Variants in ADGRV1 observed in about 807,000 individuals in gnomAD.
The protein encoded by ADGRV1 is adhesion G protein-coupled receptor V1, also known as G-protein coupled receptor 98.
In ADGRV1, 359 loss-of-function variants were observed where a neutral mutation model predicts 596.2. The observed-to-expected ratio is 0.60, with a 90% CI of 0.55 to 0.66. The LOEUF is 0.66. Among genes scored for constraint, ADGRV1 ranks in the 30% least tolerant of loss-of-function variants. The pLI, the probability that ADGRV1 is intolerant of heterozygous loss-of-function variation, is 0.00. For synonymous variants in ADGRV1, 2,681 were observed against 2,679.2 expected, an observed-to-expected ratio of 1.00 and a Z score of -0.02; for missense variants, 7,274 against 7,575.6, an observed-to-expected ratio of 0.96 and a Z score of 1.48.
chr5:90,642,007 C>A (rs993340404), intron 11 of ADGRV1, among the ~76,000 whole-genome samples: 2 of 151,814 alleles, frequency 1.3e-5, no homozygotes, highest in Non-Finnish European at 2.9e-5. Flanking sequence ...TTCTTATATT[C>A]CCTACATTTT....
At chr5:90,938,236 A>G (rs376314048) in intron 83 of ADGRV1, among the ~76,000 whole-genome samples, 2 of 152,178 alleles carry the variant, frequency 1.3e-5, no homozygotes, top group Non-Finnish European at 2.9e-5. Context: ...CTGTCATTCA[A>G]TAGTTTTTAA....
At chr5:90,864,106 CTTA>C (rs1767868524) in intron 83 of ADGRV1, among the ~76,000 whole-genome samples, 1 of 151,806 alleles carries the variant, frequency 6.6e-6, no homozygotes, top group Non-Finnish European at 1.5e-5. Flanking sequence ...CACAAAGCAT[CTTA>C]TTGTCAGCTA....
chr5:90,850,580 T>C (rs1766387346), intron 79 of ADGRV1: 1 of 152,182 alleles, frequency 6.6e-6, no homozygotes, highest in African/African-American at 2.4e-5. Context: ...TGTTTTCCCC[T>C]GTTGAACTAT....
intron 87 of ADGRV1, among the ~76,000 whole-genome samples, chr5:91,106,332 G>C (rs1471181666): frequency 6.6e-6 from 1 of 152,080 alleles, no homozygotes; most frequent in African/African-American, 2.4e-5. Flanking sequence ...ATGTGTCTTT[G>C]TTTATGCCAA....
At chr5:91,069,594 A>G (rs1382932526) in intron 85 of ADGRV1, among the ~76,000 whole-genome samples, 1 of 152,214 alleles carries the variant, frequency 6.6e-6, no homozygotes, top group African/African-American at 2.4e-5. Context: ...GTCATTATTA[A>G]AAAGCCAAAA....
chr5:90,605,400 C>T (rs1178651667), intron 1 of ADGRV1, among the ~76,000 whole-genome samples: 4 of 141,508 alleles, frequency 2.8e-5, no homozygotes, highest in African/African-American at 8.1e-5. Flanking sequence ...GGTGATAGAG[C>T]GAGACTACGT....
intron 21 of ADGRV1, among the ~76,000 whole-genome samples, chr5:90,663,937 A>G (rs1265764943): frequency 2.0e-5 from 3 of 150,404 alleles, no homozygotes; most frequent in Non-Finnish European, 4.4e-5. Context: ...ATGCGGCGTT[A>G]TTTCTGAGGG....
intron 75 of ADGRV1, among the ~76,000 whole-genome samples, chr5:90,816,410 T>A (rs192032153): frequency 3.5e-3 from 535 of 151,250 alleles, no homozygotes; most frequent in African/African-American, 0.012. Flanking sequence ...TAAGATTTTT[T>A]AAATTTTATT....
chr5:90,953,266 C>G (rs1416873272), intron 83 of ADGRV1, among the ~76,000 whole-genome samples: 2 of 152,132 alleles, frequency 1.3e-5, no homozygotes, highest in African/African-American at 4.8e-5. Flanking sequence ...ACCTTTGTTA[C>G]CTTTGCTATC....
At chr5:90,562,822 A>G (rs553830351) in intron 1 of ADGRV1, among the ~76,000 whole-genome samples, 8 of 152,364 alleles carry the variant, frequency 5.3e-5, no homozygotes, top group South Asian at 2.1e-4. Flanking sequence ...GAGAGAGACA[A>G]TAGCTCTTTC....
chr5:91,046,286 AC>A, intron 85 of ADGRV1, among the ~76,000 whole-genome samples: 1 of 152,182 alleles, frequency 6.6e-6, no homozygotes, highest in Non-Finnish European at 1.5e-5. Flanking sequence ...GGCCATTGTC[AC>A]CAAAACAGCA....
At chr5:90,935,246 T>A (rs2150828784) in intron 83 of ADGRV1, among the ~76,000 whole-genome samples, 1 of 152,342 alleles carries the variant, frequency 6.6e-6, no homozygotes, top group Middle Eastern at 3.4e-3. Flanking sequence ...AGAAATTAGA[T>A]TGTTCAGCTC....
At chr5:91,060,398 A>ATATATATTTTT (rs796332430) in intron 85 of ADGRV1, among the ~76,000 whole-genome samples, 2 of 60,478 alleles carry the variant, frequency 3.3e-5, no homozygotes, top group African/African-American at 9.3e-5. Context: ...ATATATATAT[A>ATATATATTTTT]TTTTTTTTTT....
chr5:90,837,482 C>T (rs766642368), intron 77 of ADGRV1, among the ~76,000 whole-genome samples: 4 of 151,184 alleles, frequency 2.6e-5, no homozygotes, highest in Non-Finnish European at 5.9e-5. Flanking sequence ...GCTATTCTCC[C>T]GGCTCAGTCT....
chr5:90,777,782 T>C (rs913798960), intron 61 of ADGRV1, 123 bp from the exon 62 acceptor site: 3 of 868,888 alleles, frequency 3.5e-6, no homozygotes, highest in African/African-American at 3.4e-5. Flanking sequence ...TAAATGAGGT[T>C]ATTTAAAAGA....
At position 90,778,857 on chromosome 5, in the gene ADGRV1, T is replaced by C. The variant is rs1489724871; in HGVS notation, c.12850-8T>C. Reference sequence around the variant, plus strand: ...TCCAAATCAAATAAGAAAATGCATTTTGCATAGGTTAACATCACAATCATC... The same window carrying C: ...TCCAAATCAAATAAGAAAATGCATTCTGCATAGGTTAACATCACAATCATC... On this transcript the variant is annotated splice_polypyrimidine_tract_variant and splice_region_variant and intron_variant, in intron 63 of 89. Transcript: ENST00000405460. 2.5e-6 allele frequency: 4 copies of C among 1,598,768 alleles called. No individual in the cohort carries two copies. The highest frequency in any genetic ancestry group is 3.4e-6 in the Non-Finnish European group (4 of 1,168,912).
chr5:90,957,000 G>A (rs1327927667), intron 83 of ADGRV1, among the ~76,000 whole-genome samples: 1 of 151,642 alleles, frequency 6.6e-6, no homozygotes, highest in African/African-American at 2.4e-5. Flanking sequence ...TAGTGAAAAA[G>A]ATGCTAGCCC....
chr5:90,996,247 G>A (rs1781404273), intron 85 of ADGRV1, among the ~76,000 whole-genome samples: 1 of 152,152 alleles, frequency 6.6e-6, no homozygotes, highest in African/African-American at 2.4e-5. Flanking sequence ...AGGGAAAAAT[G>A]GTTTTGTGGG....
intron 83 of ADGRV1, among the ~76,000 whole-genome samples, chr5:90,930,212 G>T (rs1202103500): frequency 6.6e-6 from 1 of 152,154 alleles, no homozygotes; most frequent in East Asian, 1.9e-4. Flanking sequence ...GAGTGATAGA[G>T]TCAGATGTTC....
Sources: gnomAD v4.1 joint callset for allele counts (sites outside exome capture counted in the v4.1 genomes callset) on GRCh38, gnomAD v4.1.1 for gene constraint, MANE v1.5 for transcripts, NCBI Gene and HGNC (gene_info 2026-07-23, HGNC 2026-07-21) for gene names.